Variants in PCSK5 observed in about 807,000 individuals in gnomAD.
PCSK5 encodes prohormone convertase 5.
PCSK5 carries 129 observed loss-of-function variants against 233.2 expected under a neutral mutation model. That is an observed-to-expected ratio of 0.55 (90% confidence interval 0.48 to 0.64). The LOEUF (loss-of-function observed/expected upper bound fraction) is 0.64, where lower values mean the gene tolerates loss of function less well. Ranked by LOEUF, PCSK5 falls within the 30% of genes least tolerant of loss-of-function variation. PCSK5 has a pLI of 0.00. For missense variants in PCSK5, 2,076 were observed against 2,430.1 expected (o/e 0.85, Z 3.06); for synonymous variants, 825 against 879.2 (o/e 0.94, Z 1.09).
intron 24 of PCSK5, among the ~76,000 whole-genome samples, chr9:76,279,746 T>G (rs1263144963): frequency 2.6e-5 from 4 of 151,976 alleles, no homozygotes; most frequent in African/African-American, 9.7e-5. Context: ...CTTCGCCCAC[T>G]TTTTGATGGG....
At chr9:76,065,968 A>G (rs1329221678) in intron 5 of PCSK5, among the ~76,000 whole-genome samples, 2 of 152,058 alleles carry the variant, frequency 1.3e-5, no homozygotes, top group Non-Finnish European at 2.9e-5. Context: ...GTATATGCAT[A>G]GATTTATTTC....
chr9:76,082,525 A>T (rs1219724740), intron 7 of PCSK5, among the ~76,000 whole-genome samples: 1 of 152,170 alleles, frequency 6.6e-6, no homozygotes, highest in African/African-American at 2.4e-5. Context: ...GTGGGGAAAG[A>T]TGAATAGCAC....
Position 76,346,102 on chromosome 9 carries a change from A to G in PCSK5, c.4967-4726A>G, listed in dbSNP as rs145997114. Among the ~76,000 whole-genome samples, 15 of 152,322 alleles carry G rather than the reference A, an allele frequency of 9.8e-5. No individual in the cohort carries two copies. The East Asian group carries it at 2.9e-3, about 29-fold the overall frequency. On this transcript the variant is annotated intron_variant, in intron 35 of 37. Transcript: ENST00000674117. ...TAGGGATCCAGTTTTATTCTTCTGC[A>G]TATAGCTGTCCAGCTATCCCAGCAC... is the stretch of plus-strand genomic sequence containing the variant.
intron 9 of PCSK5, among the ~76,000 whole-genome samples, chr9:76,110,610 C>T (rs1256033342): frequency 6.6e-6 from 1 of 152,144 alleles, no homozygotes; most frequent in Admixed American, 6.5e-5. Context: ...GCAGGAGGAT[C>T]CCTTGAGCCC....
At chr9:75,953,390 A>G (rs1824952558) in intron 2 of PCSK5, among the ~76,000 whole-genome samples, 2 of 152,186 alleles carry the variant, frequency 1.3e-5, no homozygotes, top group Non-Finnish European at 2.9e-5. Flanking sequence ...CTATGTGGCA[A>G]TAGTTACACC....
chr9:75,981,366 T>G (rs779723063), intron 2 of PCSK5, among the ~76,000 whole-genome samples: 1 of 152,210 alleles, frequency 6.6e-6, no homozygotes, highest in Non-Finnish European at 1.5e-5. Flanking sequence ...CAAGATCACA[T>G]AGGTGACTGG....
At chr9:76,259,456 TACAC>T (rs10592376) in intron 24 of PCSK5, among the ~76,000 whole-genome samples, 49,076 of 148,634 alleles carry the variant, frequency 0.33, 8,141 homozygotes, top group Middle Eastern at 0.42. Flanking sequence ...CTGTCTACAC[TACAC>T]ACACACACAC....
chr9:76,225,906 A>G (rs11144805), intron 20 of PCSK5, among the ~76,000 whole-genome samples: 68,559 of 152,018 alleles, frequency 0.45, 15,776 homozygotes, highest in African/African-American at 0.5. Context: ...CCTCCACTGG[A>G]CCATTCGGGT....
At chr9:76,102,034 T>C (rs1831779981) in intron 8 of PCSK5, among the ~76,000 whole-genome samples, 1 of 152,218 alleles carries the variant, frequency 6.6e-6, no homozygotes, top group Non-Finnish European at 1.5e-5. Flanking sequence ...CTTGAGAAAG[T>C]TAAAAAGCTA....
chr9:75,982,656 T>C (rs192164969), intron 2 of PCSK5, among the ~76,000 whole-genome samples: 53 of 152,258 alleles, frequency 3.5e-4, no homozygotes, highest in Non-Finnish European at 2.1e-4. Flanking sequence ...TCTTACTAAT[T>C]GTTGAAACTG....
chr9:76,231,017 C>T (rs1054284676), intron 21 of PCSK5, among the ~76,000 whole-genome samples: 3 of 152,164 alleles, frequency 2.0e-5, no homozygotes, highest in African/African-American at 7.2e-5. Flanking sequence ...TTCCATGAAA[C>T]TGGTCTGTAC....
At chr9:75,985,909 C>G (rs750835830) in intron 2 of PCSK5, among the ~76,000 whole-genome samples, 11 of 151,964 alleles carry the variant, frequency 7.2e-5, no homozygotes, top group Non-Finnish European at 1.5e-4. Flanking sequence ...GGTATAAATA[C>G]TCTATATAAA....
intron 3 of PCSK5, among the ~76,000 whole-genome samples, chr9:76,004,519 A>G (rs753280342): frequency 6.6e-6 from 1 of 152,060 alleles, no homozygotes; most frequent in Non-Finnish European, 1.5e-5. Flanking sequence ...TTCCCTGTCA[A>G]TTTTTCCCCA....
At chr9:76,121,875 G>C (rs1350352040) in intron 9 of PCSK5, among the ~76,000 whole-genome samples, 1 of 39,094 alleles carries the variant, frequency 2.6e-5, no homozygotes, top group African/African-American at 6.7e-5. Flanking sequence ...CCAGGCTGGA[G>C]TGCAGTGGCG....
chr9:76,119,853 A>T (rs908225746), intron 9 of PCSK5, among the ~76,000 whole-genome samples: 2 of 151,936 alleles, frequency 1.3e-5, no homozygotes, highest in Non-Finnish European at 2.9e-5. Flanking sequence ...GACTATAGTC[A>T]CCCTGCTGTG....
At chr9:76,072,405 A>T (rs1228563836) in intron 7 of PCSK5, among the ~76,000 whole-genome samples, 1 of 152,186 alleles carries the variant, frequency 6.6e-6, no homozygotes, top group Non-Finnish European at 1.5e-5. Flanking sequence ...TACACCAAAA[A>T]ATTGATTGAC....
chr9:76,359,520 A>C lies in PCSK5; in HGVS notation c.*598A>C. ...ACCTGGGCTGGGCTGCTCAGGACCT[A>C]CTTGAGATAAGGGAAGAAAAGAGAA... On this transcript the variant is annotated 3_prime_UTR_variant, in exon 38 of 38. Coordinates refer to ENST00000674117, the MANE Select transcript of PCSK5 (RefSeq NM_001372043.1). 6.5e-6 allele frequency: 1 copy of C among 153,244 alleles called. No individual in the cohort carries two copies. Among genetic ancestry groups the C allele is most frequent in the East Asian group, 1.9e-4 (1 of 5,204 alleles). 9.5% of individuals were successfully genotyped at this position (153,244 alleles called of 1,614,324 possible). A position where few individuals can be genotyped will look rare whatever the true frequency, so the allele number is the denominator to read the frequency against.
At chr9:75,917,415 C>A (rs1823054060) in intron 1 of PCSK5, among the ~76,000 whole-genome samples, 1 of 152,194 alleles carries the variant, frequency 6.6e-6, no homozygotes, top group African/African-American at 2.4e-5. Context: ...GGTAGCAAAT[C>A]TATCTTGGTA....
At chr9:76,213,058 G>A (rs1281257092) in intron 20 of PCSK5, among the ~76,000 whole-genome samples, 1 of 152,220 alleles carries the variant, frequency 6.6e-6, no homozygotes, top group East Asian at 1.9e-4. Context: ...CAGAGAACTA[G>A]GCAGGACATG....
Sources: gnomAD v4.1 joint callset for allele counts (sites outside exome capture counted in the v4.1 genomes callset) on GRCh38, gnomAD v4.1.1 for gene constraint, MANE v1.5 for transcripts, NCBI Gene and HGNC (gene_info 2026-07-23, HGNC 2026-07-21) for gene names.